Variants in MAGI1 observed in about 807,000 individuals in gnomAD.
The protein encoded by MAGI1 is membrane associated guanylate kinase, WW and PDZ domain containing 1.
MAGI1 carries 58 observed loss-of-function variants against 139.9 expected under a neutral mutation model. The ratio of observed to expected loss-of-function variants is 0.41; its 90% CI spans 0.34 to 0.52. The LOEUF (loss-of-function observed/expected upper bound fraction) is 0.52. Ranked by LOEUF, MAGI1 falls within the 20% of genes least tolerant of loss-of-function variation. The pLI, the probability that MAGI1 is intolerant of heterozygous loss-of-function variation, is 0.12. For missense variants in MAGI1, 1,874 were observed against 1,901.6 expected (o/e 0.99, Z 0.27); for synonymous variants, 812 against 737.9 (o/e 1.10, Z -1.63).
intron 2 of MAGI1, among the ~76,000 whole-genome samples, chr3:65,558,780 A>G (rs1458800019): frequency 1.3e-5 from 2 of 152,270 alleles, no homozygotes; most frequent in African/African-American, 4.8e-5. Context: ...TACAATTTTA[A>G]CCACCAACTC....
intron 5 of MAGI1, 81 bp from the exon 6 acceptor site, chr3:65,453,421 T>G: frequency 1.0e-6 from 1 of 981,122 alleles, no homozygotes; most frequent in South Asian, 1.4e-5. Context: ...AATTACACAC[T>G]CTTGAATATT....
At chr3:65,675,289 GA>G (rs2087118754) in intron 1 of MAGI1, among the ~76,000 whole-genome samples, 1 of 152,160 alleles carries the variant, frequency 6.6e-6, no homozygotes, top group African/African-American at 2.4e-5. Context: ...CTTAAAAACA[GA>G]ACCTCCATGG....
chr3:65,751,974 G>A (rs961897516), intron 1 of MAGI1, among the ~76,000 whole-genome samples: 1 of 152,092 alleles, frequency 6.6e-6, no homozygotes, highest in Non-Finnish European at 1.5e-5. Context: ...ACGGGGTCTT[G>A]CTATGGCACC....
chr3:65,945,337 C>T (rs2063500088), intron 1 of MAGI1, among the ~76,000 whole-genome samples: 1 of 152,004 alleles, frequency 6.6e-6, no homozygotes, highest in Admixed American at 6.6e-5. Context: ...AACTTAGTAC[C>T]CAATAGTTAT....
chr3:65,370,369 T>A (rs1941866397), intron 18 of MAGI1, among the ~76,000 whole-genome samples: 1 of 152,198 alleles, frequency 6.6e-6, no homozygotes, highest in Non-Finnish European at 1.5e-5. Context: ...AGGCTTATTA[T>A]CATATCAACC....
intron 1 of MAGI1, among the ~76,000 whole-genome samples, chr3:65,734,570 GGAGA>G (rs143441869): frequency 3.7e-4 from 54 of 146,018 alleles, no homozygotes; most frequent in Middle Eastern, 3.7e-3. Flanking sequence ...AGAGAGAGAG[GGAGA>G]GAGAGAGAGA....
At chr3:65,918,973 A>G (rs1438168404) in intron 1 of MAGI1, among the ~76,000 whole-genome samples, 2 of 152,118 alleles carry the variant, frequency 1.3e-5, no homozygotes, top group Non-Finnish European at 2.9e-5. Context: ...TAAACTAGCC[A>G]AAAGGGTATA....
At chr3:65,430,265 T>C in intron 11 of MAGI1, 125 bp from the exon 12 acceptor site, 1 of 933,330 alleles carries the variant, frequency 1.1e-6, no homozygotes, top group Non-Finnish European at 1.6e-6. Context: ...CTATAGGGTA[T>C]AAAGTGCTTC....
At chr3:65,454,172 A>C (rs1373899912) in intron 5 of MAGI1, among the ~76,000 whole-genome samples, 1 of 152,236 alleles carries the variant, frequency 6.6e-6, no homozygotes, top group Non-Finnish European at 1.5e-5. Flanking sequence ...CCCCCAGGGC[A>C]CCATGCAGCT....
intron 1 of MAGI1, among the ~76,000 whole-genome samples, chr3:65,737,325 A>G (rs1351931582): frequency 6.6e-6 from 1 of 152,222 alleles, no homozygotes; most frequent in East Asian, 1.9e-4. Context: ...TTTAAAATGA[A>G]TGGATGGATG....
At chr3:65,527,640 G>A (rs1430571210) in intron 2 of MAGI1, among the ~76,000 whole-genome samples, 2 of 152,208 alleles carry the variant, frequency 1.3e-5, no homozygotes, top group African/African-American at 4.8e-5. Flanking sequence ...CAAGAGAACA[G>A]TGTGAACCCG....
intron 2 of MAGI1, among the ~76,000 whole-genome samples, chr3:65,495,316 T>G (rs1576015195): frequency 6.6e-6 from 1 of 152,222 alleles, no homozygotes; most frequent in South Asian, 2.1e-4. Context: ...GATAATCCTT[T>G]TTGAGGGCTT....
At chr3:65,518,936 T>G (rs1020237053) in intron 2 of MAGI1, among the ~76,000 whole-genome samples, 2 of 151,962 alleles carry the variant, frequency 1.3e-5, no homozygotes, top group Non-Finnish European at 2.9e-5. Context: ...GAAGTAGAAG[T>G]AGAATTACAA....
chr3:65,889,725 T>C (rs564184825), intron 1 of MAGI1, among the ~76,000 whole-genome samples: 2 of 152,128 alleles, frequency 1.3e-5, no homozygotes, highest in Non-Finnish European at 2.9e-5. Context: ...TCAGTTACCA[T>C]CTATTGAGAG....
At chr3:65,516,937 C>G (rs9852036) in intron 2 of MAGI1, among the ~76,000 whole-genome samples, 29,048 of 150,424 alleles carry the variant, frequency 0.19, 3,090 homozygotes, top group Middle Eastern at 0.26. Context: ...ACCGTTTTAG[C>G]CGGGATGGTC....
At chr3:65,405,005 G>A (rs1429069817) in intron 12 of MAGI1, among the ~76,000 whole-genome samples, 2 of 152,154 alleles carry the variant, frequency 1.3e-5, no homozygotes, top group African/African-American at 4.8e-5. Flanking sequence ...GGCTTGTCTG[G>A]TCCATTCAGG....
chr3:65,758,213 A>C (rs1193125578), intron 1 of MAGI1, among the ~76,000 whole-genome samples: 1 of 152,202 alleles, frequency 6.6e-6, no homozygotes, highest in Non-Finnish European at 1.5e-5. Flanking sequence ...TGTTGAGCCA[A>C]TCACCTTTCC....
At chr3:65,680,114 G>A (rs1397914106) in intron 1 of MAGI1, among the ~76,000 whole-genome samples, 1 of 152,084 alleles carries the variant, frequency 6.6e-6, no homozygotes. Flanking sequence ...TATAGACAAA[G>A]GCCTTACCGC....
chr3:66,013,742 C>T (rs1331241473), intron 1 of MAGI1, among the ~76,000 whole-genome samples: 1 of 140,086 alleles, frequency 7.1e-6, no homozygotes, highest in Non-Finnish European at 1.5e-5. Flanking sequence ...GCCAGGGCAA[C>T]AGAGTGAGAC....
Sources: gnomAD v4.1 joint callset for allele counts (sites outside exome capture counted in the v4.1 genomes callset) on GRCh38, gnomAD v4.1.1 for gene constraint, MANE v1.5 for transcripts, NCBI Gene and HGNC (gene_info 2026-07-23, HGNC 2026-07-21) for gene names.